The following CDKN1A variants were observed in gnomAD, a reference collection of about 807,000 sequenced individuals.
CDKN1A encodes the protein cyclin-dependent kinase inhibitor 1.
In CDKN1A, 14 loss-of-function variants were observed where a neutral mutation model predicts 14.8. The observed-to-expected ratio is 0.94, with a 90% CI of 0.62 to 1.48. The LOEUF is 1.48. Ranked by LOEUF, CDKN1A falls within the 40% of genes most tolerant of loss-of-function variation. The pLI, the probability that CDKN1A is intolerant of heterozygous loss-of-function variation, is 0.00. For missense variants in CDKN1A, 203 were observed against 231.7 expected, an observed-to-expected ratio of 0.88 and a Z score of 0.80; for synonymous variants, 92 against 93.5, an observed-to-expected ratio of 0.98 and a Z score of 0.09.
At chr6:36,677,312 G>A (rs1229107611), upstream of CDKN1A, among the ~76,000 whole-genome samples, 1 of 152,112 alleles carries the variant, frequency 6.6e-6, no homozygotes, top group Non-Finnish European at 1.5e-5. Flanking sequence ...TGTCCTCCCC[G>A]AGGTCAGCTG....
chr6:36,677,954 G>A (rs1401583672), upstream of CDKN1A: 1 of 1,199,098 alleles, frequency 8.3e-7, no homozygotes, highest in Admixed American at 2.2e-5. Context: ...GGTGTAGGGA[G>A]ATTGGTTCAA....
At position 36,687,101 on chromosome 6, in the gene CDKN1A, A is replaced by G. The variant is rs1762236325; in HGVS notation, c.*1301A>G. ...AGCCCCTGGAGGCACTGAAGTGCTT[A>G]GTGTACTTGGAGTATTGGGGTCTGA... On this transcript the variant is annotated 3_prime_UTR_variant, in exon 3 of 3. Coordinates refer to ENST00000244741, the MANE Select transcript of CDKN1A (RefSeq NM_000389.5). 4.3e-6 allele frequency: 1 copy of G among 233,168 alleles called. No individual in the cohort carries two copies. The highest frequency in any genetic ancestry group is 8.5e-6 in the Non-Finnish European group (1 of 118,078). 14.4% of individuals were successfully genotyped at this position (233,168 alleles called of 1,614,324 possible). A position where few individuals can be genotyped will look rare whatever the true frequency, so the allele number is the denominator to read the frequency against.
At position 36,681,361 on chromosome 6, in the gene CDKN1A, TTTTCTTTC is replaced by T. The variant is rs377657015; in HGVS notation, c.-6+2602_-6+2609del. 7.2e-3 allele frequency among the ~76,000 whole-genome samples: 403 copies of T among 55,814 alleles called. 5 individuals are homozygous for T. Among genetic ancestry groups the T allele is most frequent in the Non-Finnish European group, 8.6e-3 (246 of 28,548 alleles). 36.6% of individuals were successfully genotyped at this position (55,814 alleles called of 152,430 possible). On this transcript the variant is annotated intron_variant, in intron 1 of 2. Transcript: ENST00000244741. ...TTCTTTCTTTCTTTCTTTTTCTTTC[TTTTCTTTC>T]TTTCTTTCTTTCTTTCTTTCTTTCT...
At chr6:36,677,229 C>T (rs1761723769), upstream of CDKN1A, among the ~76,000 whole-genome samples, 1 of 152,064 alleles carries the variant, frequency 6.6e-6, no homozygotes, top group African/African-American at 2.4e-5. Context: ...GCGAGGCAGG[C>T]CAAGGGGGTC....
Position 36,685,811 on chromosome 6 carries a change from G to A in CDKN1A, c.*11G>A, listed in dbSNP as rs777207887. 2.4e-5 allele frequency: 39 copies of A among 1,613,896 alleles called. No homozygotes were observed. In the South Asian group the frequency reaches 4.2e-4, roughly 17 times the overall value. On this transcript the variant is annotated 3_prime_UTR_variant, in exon 3 of 3. Transcript: ENST00000244741. Reference sequence around the variant, plus strand: ...AAGAGGAAGCCCTAATCCGCCCACAGGAAGCCTGCAGTCCTGGAAGCGCGA... The same window carrying A: ...AAGAGGAAGCCCTAATCCGCCCACAAGAAGCCTGCAGTCCTGGAAGCGCGA...
chr6:36,678,760 G>A lies in CDKN1A; in HGVS notation c.-44G>A. On this transcript the variant is annotated 5_prime_UTR_variant, in exon 1 of 3. Coordinates refer to ENST00000244741, the MANE Select transcript of CDKN1A (RefSeq NM_000389.5). The surrounding 1 kb of genome is among the most constrained non-coding windows in gnomAD (Gnocchi z 5.7). ...GTCAGTTCCTTGTGGAGCCGGAGCTGGGCGCGGATTCGCCGAGGCACCGAG... is the reference window on the plus strand; with the variant it reads ...GTCAGTTCCTTGTGGAGCCGGAGCTAGGCGCGGATTCGCCGAGGCACCGAG... 1.0e-6 allele frequency: 1 copy of A among 985,770 alleles called. No individual in the cohort carries two copies. Among genetic ancestry groups the A allele is most frequent in the Non-Finnish European group, 1.2e-6 (1 of 830,174 alleles). The allele number at this position is 985,770 out of a possible 1,614,324, so 61.1% of individuals were successfully genotyped here.
rs532026768 is a variant in CDKN1A, at chr6:36,684,035, G to A, written c.-5-62G>A. The A allele has an allele frequency of 5.2e-6, 8 of 1,527,524 alleles. No individual in the cohort carries two copies. The East Asian group carries it at 1.9e-4, about 35-fold the overall frequency. The allele number at this position is 1,527,524 out of a possible 1,614,324, so 94.6% of individuals were successfully genotyped here. Reference sequence around the variant, plus strand: ...ACCTGAGGTGACACAGCAAAGCCCGGCCAGGTAACATAGTGTCTAATCTCC... The same window carrying A: ...ACCTGAGGTGACACAGCAAAGCCCGACCAGGTAACATAGTGTCTAATCTCC... On this transcript the variant is annotated intron_variant, in intron 1 of 2. Transcript: ENST00000244741. The surrounding 1 kb of genome is among the most constrained non-coding windows in gnomAD (Gnocchi z 6.0).
chr6:36,678,667 C>G (rs948452431), upstream of CDKN1A: 4 of 985,366 alleles, frequency 4.1e-6, no homozygotes, highest in Non-Finnish European at 4.8e-6. The surrounding 1 kb of genome is among the most constrained non-coding windows in gnomAD (Gnocchi z 5.7). Flanking sequence ...TGAGGCGGGC[C>G]CGGGCGGGGC....
chr6:36,684,962 G>A lies in CDKN1A; in HGVS notation c.445+416G>A, dbSNP rs1762150848. On this transcript the variant is annotated intron_variant, in intron 2 of 2. Transcript: ENST00000244741. This position sits in a 1 kb window ranked among gnomAD's most constrained non-coding sequence, Gnocchi z 6.0. ...TCTTCCTACCTCAGCCTCCTGGGTAGCTGGGAAGCTGGGACTATAGTTGTA... is the reference window on the plus strand; with the variant it reads ...TCTTCCTACCTCAGCCTCCTGGGTAACTGGGAAGCTGGGACTATAGTTGTA... Among the ~76,000 whole-genome samples the A allele has an allele frequency of 6.6e-6, 1 of 152,106 alleles. No individual in the cohort carries two copies. The highest frequency in any genetic ancestry group is 2.1e-4 in the South Asian group (1 of 4,828).
rs200738687 is a variant in CDKN1A, at chr6:36,684,528, C to T, written c.427C>T (p.Arg143Trp). 38 of 1,614,088 alleles carry T rather than the reference C, an allele frequency of 2.4e-5. No homozygotes were observed. The highest frequency in any genetic ancestry group is 4.0e-5 in the African/African-American group (3 of 75,040). ...TGGAGACTCTCAGGGTCGAAAACGG[C>T]GGCAGACCAGCATGACAGGTGCGGA... ...GPGDSQGRKRRQTSMTDFYHS... is the reference protein window; with the variant it reads ...GPGDSQGRKRWQTSMTDFYHS... Residue 143 changes from arginine (R) to tryptophan (W), a missense_variant, in exon 2 of 3, where the codon CGG becomes TGG. Coordinates refer to ENST00000244741, the MANE Select transcript of CDKN1A (RefSeq NM_000389.5). This position sits in a 1 kb window ranked among gnomAD's most constrained non-coding sequence, Gnocchi z 6.0.
chr6:36,684,580 G>T lies in CDKN1A; in HGVS notation c.445+34G>T, dbSNP rs772179941. 2 of 1,592,840 alleles carry T rather than the reference G, an allele frequency of 1.3e-6. No homozygotes were observed. Among genetic ancestry groups the T allele is most frequent in the Admixed American group, 1.7e-5 (1 of 59,962 alleles). ...ATGTGCACGGAAGGACTTTGTAAGG[G>T]ACCAGGATTCTCAGAATCCATGGTC... On this transcript the variant is annotated intron_variant, in intron 2 of 2. Coordinates refer to ENST00000244741, the MANE Select transcript of CDKN1A (RefSeq NM_000389.5). This position sits in a 1 kb window ranked among gnomAD's most constrained non-coding sequence, Gnocchi z 6.0.
chr6:36,677,284 G>T (rs1761725812), upstream of CDKN1A, among the ~76,000 whole-genome samples: 1 of 152,142 alleles, frequency 6.6e-6, no homozygotes, highest in South Asian at 2.1e-4. Flanking sequence ...CATCCCCACA[G>T]CAGAGGAGAA....
Position 36,684,314 on chromosome 6 carries a change from T to C in CDKN1A, c.213T>C (p.Leu71=), listed in dbSNP as rs1449796679. The C allele has an allele frequency of 1.9e-6, 3 of 1,612,724 alleles. No individual in the cohort carries two copies. In the African/African-American group the frequency reaches 4.0e-5, roughly 22 times the overall value. The stretch of plus-strand genomic sequence containing the variant: ...TCGCCTGGGAGCGTGTGCGGGGCCT[T>C]GGCCTGCCCAAGCTCTACCTTCCCA... ...GDFAWERVRG[L]GLPKLYLPTG... is the part of the protein sequence containing the mutation. The change falls in exon 2 of 3, where the codon CTT becomes CTC. Residue 71 remains leucine (L), a synonymous_variant. Coordinates refer to ENST00000244741, the MANE Select transcript of CDKN1A (RefSeq NM_000389.5). The surrounding 1 kb of genome is among the most constrained non-coding windows in gnomAD (Gnocchi z 6.0).
chr6:36,682,105 G>A (rs1173132363), intron 1 of CDKN1A, among the ~76,000 whole-genome samples: 1 of 152,100 alleles, frequency 6.6e-6, no homozygotes, highest in Non-Finnish European at 1.5e-5. Flanking sequence ...AGAGGGAGTG[G>A]GGTTCAATAC....
chr6:36,681,895 C>G (rs1324546510), intron 1 of CDKN1A, among the ~76,000 whole-genome samples: 1 of 152,084 alleles, frequency 6.6e-6, no homozygotes. Flanking sequence ...CACCCAACCA[C>G]CCAGCTAATT....
intron 1 of CDKN1A, among the ~76,000 whole-genome samples, chr6:36,679,226 A>T (rs1761812134): frequency 6.6e-6 from 1 of 152,152 alleles, no homozygotes; most frequent in Non-Finnish European, 1.5e-5. Context: ...GGGGCCCAGG[A>T]AGGGCGAGGA....
intron 1 of CDKN1A, among the ~76,000 whole-genome samples, chr6:36,682,964 C>G (rs1582578070): frequency 6.6e-6 from 1 of 152,204 alleles, no homozygotes; most frequent in Non-Finnish European, 1.5e-5. Flanking sequence ...TGCGCTGCCC[C>G]GCCCGGCCCC....
At chr6:36,680,277 G>GGC (rs201410543) in intron 1 of CDKN1A, among the ~76,000 whole-genome samples, 1,527 of 140,992 alleles carry the variant, frequency 0.011, 26 homozygotes, top group Middle Eastern at 0.051. Flanking sequence ...GCCGGCTCCC[G>GGC]GCGCGCGCGC....
chr6:36,681,361 TTTTC>T (rs377657015), intron 1 of CDKN1A, among the ~76,000 whole-genome samples: 2,806 of 55,534 alleles, frequency 0.051, 97 homozygotes, highest in Non-Finnish European at 0.054. Flanking sequence ...TTTTTCTTTC[TTTTC>T]TTTCTTTCTT....
Sources: gnomAD v4.1 joint callset for allele counts (sites outside exome capture counted in the v4.1 genomes callset) on GRCh38, gnomAD v4.1.1 for gene constraint, Gnocchi (gnomAD v3.1) non-coding constraint, MANE v1.5 for transcripts, NCBI Gene and HGNC (gene_info 2026-07-23, HGNC 2026-07-21) for gene names.